Variants in TSC22D1 observed in about 807,000 individuals in gnomAD.
The protein encoded by TSC22D1 is TSC22 domain family member 1.
A neutral mutation model predicts 74.2 loss-of-function variants in TSC22D1; 9 were observed. That is an observed-to-expected ratio of 0.12 (90% CI 0.07 to 0.21). The LOEUF (loss-of-function observed/expected upper bound fraction) is 0.21, where lower values mean the gene tolerates loss of function less well. Ranked by LOEUF, TSC22D1 falls within the 10% of genes least tolerant of loss-of-function variation. The probability of loss-of-function intolerance (pLI) is 1.00; values close to 1 mark genes in which losing one functional copy is unlikely to be tolerated. For missense variants in TSC22D1, 1,427 were observed against 1,304.7 expected, an observed-to-expected ratio of 1.09 and a Z score of -1.44; for synonymous variants, 586 against 492.5, an observed-to-expected ratio of 1.19 and a Z score of -2.51.
At chr13:44,496,425 G>A (rs1197228369) in intron 1 of TSC22D1, among the ~76,000 whole-genome samples, 1 of 152,116 alleles carries the variant, frequency 6.6e-6, no homozygotes, top group South Asian at 2.1e-4. Flanking sequence ...GCTCACACCT[G>A]TAATCCCAGC....
chr13:44,535,056 C>T (rs1881067259), intron 1 of TSC22D1, among the ~76,000 whole-genome samples: 1 of 152,080 alleles, frequency 6.6e-6, no homozygotes, highest in Admixed American at 6.5e-5. Context: ...TAAATGCACT[C>T]CAAAGCCACA....
intron 1 of TSC22D1, among the ~76,000 whole-genome samples, chr13:44,507,042 TGAG>T (rs1462238286): frequency 6.6e-6 from 1 of 152,004 alleles, no homozygotes; most frequent in Non-Finnish European, 1.5e-5. Context: ...AGCTATAAAC[TGAG>T]GAGAGGGAGC....
intron 1 of TSC22D1, among the ~76,000 whole-genome samples, chr13:44,483,054 A>G (rs1536137): frequency 0.34 from 52,299 of 152,074 alleles, 9,254 homozygotes; most frequent in Non-Finnish European, 0.39. Context: ...TCTTTACATT[A>G]AGAAATTTTA....
intron 1 of TSC22D1, among the ~76,000 whole-genome samples, chr13:44,463,001 TA>T (rs1182618467): frequency 3.9e-5 from 6 of 152,174 alleles, no homozygotes; most frequent in Non-Finnish European, 5.9e-5. Flanking sequence ...TTGAGGAACT[TA>T]AACAGTTTAA....
At chr13:44,459,939 G>A (rs1876907616) in intron 1 of TSC22D1, among the ~76,000 whole-genome samples, 1 of 152,168 alleles carries the variant, frequency 6.6e-6, no homozygotes, top group African/African-American at 2.4e-5. Context: ...ATGGGATCCA[G>A]GACAGTAGCA....
chr13:44,537,390 A>AT, intron 1 of TSC22D1: 2 of 985,178 alleles, frequency 2.0e-6, no homozygotes, highest in Non-Finnish European at 2.4e-6. Context: ...TTCCTTTTGC[A>AT]TATTTTAAGG....
intron 1 of TSC22D1, chr13:44,452,755 C>T (rs1876247834): frequency 6.6e-6 from 1 of 152,542 alleles, no homozygotes; most frequent in South Asian, 2.1e-4. Flanking sequence ...GAGAGATCAA[C>T]CCTGCCTACG....
intron 1 of TSC22D1, among the ~76,000 whole-genome samples, chr13:44,484,868 AG>A (rs2137941585): frequency 6.6e-6 from 1 of 152,366 alleles, no homozygotes; most frequent in South Asian, 2.1e-4. Flanking sequence ...CTGGAATTGT[AG>A]AAAATACATG....
intron 1 of TSC22D1, among the ~76,000 whole-genome samples, chr13:44,464,821 C>T (rs1375905992): frequency 6.6e-6 from 1 of 152,244 alleles, no homozygotes; most frequent in Non-Finnish European, 1.5e-5. Flanking sequence ...TACCCTGACT[C>T]TTGTACCCAA....
At chr13:44,538,226 A>T (rs970422704) in intron 1 of TSC22D1, 2 of 985,240 alleles carry the variant, frequency 2.0e-6, no homozygotes, top group African/African-American at 3.5e-5. Context: ...TTACTTTAGA[A>T]GACAGACCAA....
intron 1 of TSC22D1, among the ~76,000 whole-genome samples, chr13:44,477,613 G>T (rs1457474942): frequency 2.0e-5 from 3 of 150,974 alleles, no homozygotes; most frequent in South Asian, 2.1e-4. Context: ...ATCAAGTGAG[G>T]TCTCCCTATC....
In TSC22D1 at chr13:44,573,111, T is replaced by C. The variant is rs549970702; in HGVS notation, c.2912+52A>G. 26 of 1,577,130 alleles carry C rather than the reference T, an allele frequency of 1.6e-5. No homozygotes were observed. The African/African-American group carries it at 3.2e-4, about 20-fold the overall frequency. ...TTTGTGCATACATATAGCTACTAAA[T>C]AGATTAACTTCAAATCTGTTGAATG... On this transcript the variant is annotated intron_variant, in intron 1 of 2. Coordinates refer to ENST00000458659, the MANE Select transcript of TSC22D1 (RefSeq NM_183422.4).
chr13:44,434,878 T>C lies in TSC22D1; in HGVS notation c.2970A>G (p.Leu990=), dbSNP rs747728623. The C allele has an allele frequency of 1.9e-6, 3 of 1,612,080 alleles. No homozygotes were observed. The highest frequency in any genetic ancestry group is 2.5e-6 in the Non-Finnish European group (3 of 1,179,074). ...CCGCATACATCAAATGGCTTTTCAC[T>C]AGATCCTGGAAAGAAGACAGAAAAG... is the stretch of plus-strand genomic sequence containing the variant. ...IDNKIEQAMD[L]VKSHLMYAVR... is the part of the protein sequence containing the mutation. The change falls in exon 3 of 3, where the codon CTA becomes CTG. Residue 990 remains leucine, a synonymous_variant. Transcript: ENST00000458659.
Position 44,528,993 on chromosome 13 carries a change from C to T in TSC22D1, c.2912+44170G>A, listed in dbSNP as rs143626642. 8.5e-3 allele frequency among the ~76,000 whole-genome samples: 1,300 copies of T among 152,140 alleles called. 11 individuals carry two copies. The highest frequency in any genetic ancestry group is 0.013 in the Non-Finnish European group (854 of 67,892). On this transcript the variant is annotated intron_variant, in intron 1 of 2. Coordinates refer to ENST00000458659, the MANE Select transcript of TSC22D1 (RefSeq NM_183422.4). ...AATTGAATCAATCATTAATAACCTTCCCATGTAGAGTTCTACCAGGTATCT... is the reference window on the plus strand; with the variant it reads ...AATTGAATCAATCATTAATAACCTTTCCATGTAGAGTTCTACCAGGTATCT...
intron 1 of TSC22D1, among the ~76,000 whole-genome samples, chr13:44,483,667 C>CAA (rs36015133): frequency 0.015 from 989 of 64,080 alleles, 8 homozygotes; most frequent in African/African-American, 0.034. Flanking sequence ...GACTCCGTCT[C>CAA]AAAAAAAAAA....
intron 1 of TSC22D1, among the ~76,000 whole-genome samples, chr13:44,552,405 G>A (rs1410737851): frequency 6.6e-6 from 1 of 152,138 alleles, no homozygotes; most frequent in African/African-American, 2.4e-5. Flanking sequence ...GGCAATTGAA[G>A]CACGTAACAA....
intron 1 of TSC22D1, among the ~76,000 whole-genome samples, chr13:44,551,895 T>A (rs1278514159): frequency 6.6e-6 from 1 of 152,158 alleles, no homozygotes; most frequent in African/African-American, 2.4e-5. Flanking sequence ...GGCAAGGCCC[T>A]GTGTCTAAAA....
rs545011934 is a variant in TSC22D1 at position 44,562,466 on chromosome 13, A to G, written c.2912+10697T>C. Among the ~76,000 whole-genome samples, 21 of 152,364 alleles carry G rather than the reference A, an allele frequency of 1.4e-4. 1 individual carries two copies. Among genetic ancestry groups the G allele is most frequent in the African/African-American group, 4.3e-4 (18 of 41,578 alleles). ...AAACATTAGTATTGTGGCTCTTTAA[A>G]TATCAGCAAAATAACCAAAATGCTC... On this transcript the variant is annotated intron_variant, in intron 1 of 2. Transcript: ENST00000458659.
At chr13:44,456,249 C>T (rs532907293) in intron 1 of TSC22D1, among the ~76,000 whole-genome samples, 1 of 152,312 alleles carries the variant, frequency 6.6e-6, no homozygotes, top group East Asian at 1.9e-4. Flanking sequence ...GAAGAAGACC[C>T]GAGCGGGTTG....
Sources: allele counts gnomAD v4.1 joint callset (sites outside exome capture counted in the v4.1 genomes callset), GRCh38; gene constraint gnomAD v4.1.1; transcripts MANE v1.5; gene names NCBI Gene and HGNC (gene_info 2026-07-23, HGNC 2026-07-21).